Variants in PGM5 observed in about 807,000 individuals in gnomAD.
The protein encoded by PGM5 is phosphoglucomutase 5, also known as phosphoglucomutase-like protein 5.
PGM5 carries 23 observed loss-of-function variants against 59.2 expected under a neutral mutation model. The ratio of observed to expected loss-of-function variants is 0.39; its 90% CI spans 0.28 to 0.55. The LOEUF is 0.55. PGM5 is among the 20% of genes least tolerant of loss of function. The pLI, the probability that PGM5 is intolerant of heterozygous loss-of-function variation, is 0.66. For synonymous variants in PGM5, 214 were observed against 286.0 expected, an observed-to-expected ratio of 0.75 and a Z score of 2.54; for missense variants, 574 against 748.3, an observed-to-expected ratio of 0.77 and a Z score of 2.72.
chr9:68,367,018 TGCTA>T (rs1401249075), intron 1 of PGM5, among the ~76,000 whole-genome samples: 1 of 152,092 alleles, frequency 6.6e-6, no homozygotes, highest in African/African-American at 2.4e-5. Flanking sequence ...TTCTCCATGC[TGCTA>T]GCTAAGGCTG....
At chr9:68,410,621 G>A (rs1317539019) in intron 6 of PGM5, among the ~76,000 whole-genome samples, 1 of 152,018 alleles carries the variant, frequency 6.6e-6, no homozygotes, top group Non-Finnish European at 1.5e-5. Context: ...CCAGGGTGTA[G>A]GATATGACAA....
intron 6 of PGM5, among the ~76,000 whole-genome samples, chr9:68,438,516 T>C (rs1268030043): frequency 6.6e-6 from 1 of 152,162 alleles, no homozygotes; most frequent in Non-Finnish European, 1.5e-5. Flanking sequence ...GCTTCCCATT[T>C]AGTTCTGATT....
chr9:68,444,066 T>C (rs1320297812), intron 6 of PGM5, among the ~76,000 whole-genome samples: 38 of 150,562 alleles, frequency 2.5e-4, no homozygotes, highest in Non-Finnish European at 4.7e-4. Context: ...TTCTTTCTTT[T>C]TTTTTTTTTT....
chr9:68,458,351 G>A (rs554350460), intron 6 of PGM5, among the ~76,000 whole-genome samples: 2 of 152,332 alleles, frequency 1.3e-5, no homozygotes, highest in East Asian at 1.9e-4. Flanking sequence ...AAGTGGAGAA[G>A]CTTCTAGGTA....
chr9:68,414,625 T>C (rs868949323), intron 6 of PGM5, among the ~76,000 whole-genome samples: 1 of 151,688 alleles, frequency 6.6e-6, no homozygotes, highest in African/African-American at 2.4e-5. Context: ...GAGGAAATGA[T>C]AAGGCACATC....
At chr9:68,363,767 G>T (rs1428456984) in intron 1 of PGM5, among the ~76,000 whole-genome samples, 1 of 152,300 alleles carries the variant, frequency 6.6e-6, no homozygotes, top group Non-Finnish European at 1.5e-5. Flanking sequence ...ACAAGTTGGA[G>T]GGCAGATGCG....
chr9:68,493,401 G>A (rs113246889), intron 9 of PGM5, among the ~76,000 whole-genome samples: 32 of 152,236 alleles, frequency 2.1e-4, no homozygotes, highest in East Asian at 5.8e-4. Flanking sequence ...CAGATATTTC[G>A]CATGAGAAGC....
intron 9 of PGM5, among the ~76,000 whole-genome samples, chr9:68,487,429 TTC>T (rs147613742): frequency 0.011 from 1,300 of 118,614 alleles, 16 homozygotes; most frequent in African/African-American, 0.042. Context: ...GATACAACTA[TTC>T]TCTCTCTCTC....
At chr9:68,525,101 G>C (rs1474946652) in intron 10 of PGM5, among the ~76,000 whole-genome samples, 3 of 151,796 alleles carry the variant, frequency 2.0e-5, no homozygotes, top group Non-Finnish European at 4.4e-5. Flanking sequence ...CATGAGGCAT[G>C]GTCGATGACA....
intron 10 of PGM5, among the ~76,000 whole-genome samples, chr9:68,511,949 G>A (rs1333695737): frequency 6.6e-6 from 1 of 152,126 alleles, no homozygotes; most frequent in African/African-American, 2.4e-5. Flanking sequence ...GGTCTTCTCT[G>A]AGAGCTCCCA....
At chr9:68,359,929 G>C (rs564112623) in intron 1 of PGM5, among the ~76,000 whole-genome samples, 1 of 152,170 alleles carries the variant, frequency 6.6e-6, no homozygotes, top group South Asian at 2.1e-4. Flanking sequence ...CTGTAGCCTT[G>C]ACCTCCCCAG....
At chr9:68,426,116 C>T (rs1346616083) in intron 6 of PGM5, among the ~76,000 whole-genome samples, 1 of 151,994 alleles carries the variant, frequency 6.6e-6, no homozygotes, top group East Asian at 1.9e-4. Context: ...GCAGAAGTTG[C>T]CCAGCAACTA....
chr9:68,368,059 A>C (rs1834713796), intron 1 of PGM5, among the ~76,000 whole-genome samples: 1 of 152,218 alleles, frequency 6.6e-6, no homozygotes. Context: ...TGCCAGATGG[A>C]AAGTATTTTT....
chr9:68,370,443 G>A (rs1284685451), intron 1 of PGM5, among the ~76,000 whole-genome samples: 3 of 151,982 alleles, frequency 2.0e-5, no homozygotes, highest in Admixed American at 1.3e-4. Context: ...TTAGCCTGAG[G>A]GTTTAAATAT....
intron 1 of PGM5, among the ~76,000 whole-genome samples, chr9:68,373,508 A>G (rs1301143026): frequency 6.6e-6 from 1 of 152,242 alleles, no homozygotes; most frequent in Non-Finnish European, 1.5e-5. Flanking sequence ...AAATGTATCT[A>G]TAATTGTTCC....
intron 10 of PGM5, among the ~76,000 whole-genome samples, chr9:68,507,587 AT>A (rs11323007): frequency 0.71 from 104,484 of 147,482 alleles, 37,176 homozygotes; most frequent in East Asian, 0.99. Flanking sequence ...TGTAATTATA[AT>A]TTTTTTTTTT....
At chr9:68,441,188 T>C (rs1284280021) in intron 6 of PGM5, among the ~76,000 whole-genome samples, 6 of 151,962 alleles carry the variant, frequency 3.9e-5, no homozygotes, top group Admixed American at 3.9e-4. Flanking sequence ...CTAGTGCAAA[T>C]AAATATATTG....
intron 6 of PGM5, among the ~76,000 whole-genome samples, chr9:68,427,980 T>A (rs1406714114): frequency 2.6e-5 from 4 of 152,222 alleles, no homozygotes. Context: ...GAGTAAAGAC[T>A]TGGAGTTCTC....
At chr9:68,436,430 G>T (rs1472808229) in intron 6 of PGM5, among the ~76,000 whole-genome samples, 1 of 152,146 alleles carries the variant, frequency 6.6e-6, no homozygotes, top group Non-Finnish European at 1.5e-5. Context: ...GAGAAAGCAG[G>T]ACCCGGAAGA....
Sources: gnomAD v4.1 joint callset for allele counts (sites outside exome capture counted in the v4.1 genomes callset) on GRCh38, gnomAD v4.1.1 for gene constraint, MANE v1.5 for transcripts, NCBI Gene and HGNC (gene_info 2026-07-23, HGNC 2026-07-21) for gene names.